Variants in LRRC49 observed in about 807,000 individuals in gnomAD.
LRRC49 encodes leucine rich repeat containing 49.
Under a neutral mutation model 83.3 loss-of-function variants are expected in LRRC49, and 50 were observed. The observed-to-expected ratio is 0.60, with a 90% CI of 0.48 to 0.76. LRRC49 has a LOEUF of 0.76. Among genes scored for constraint, LRRC49 ranks in the 30% least tolerant of loss-of-function variants. LRRC49 has a pLI of 0.00. For missense variants in LRRC49, 704 were observed against 809.1 expected, an observed-to-expected ratio of 0.87 and a Z score of 1.58; for synonymous variants, 286 against 283.3, an observed-to-expected ratio of 1.01 and a Z score of -0.10.
At chr15:71,012,555 G>A (rs543228064) in intron 13 of LRRC49, among the ~76,000 whole-genome samples, 1 of 151,646 alleles carries the variant, frequency 6.6e-6, no homozygotes, top group East Asian at 1.9e-4. Context: ...AGGAAAGACA[G>A]CTTCTAAATC....
intron 9 of LRRC49, among the ~76,000 whole-genome samples, chr15:70,974,871 A>G (rs2141214083): frequency 6.6e-6 from 1 of 152,336 alleles, no homozygotes; most frequent in East Asian, 1.9e-4. Context: ...TTAACAACAT[A>G]AAAAATAGAT....
chr15:70,861,382 T>C (rs1252330192), intron 1 of LRRC49, among the ~76,000 whole-genome samples: 1 of 94,844 alleles, frequency 1.1e-5, no homozygotes, highest in Non-Finnish European at 2.7e-5. Context: ...CCTATTAGCA[T>C]AGGAGCTCGT....
Position 70,980,187 on chromosome 15 carries a change from A to T in LRRC49, c.1005+3A>T. 6.2e-7 allele frequency: 1 copy of T among 1,604,748 alleles called. No individual in the cohort carries two copies. The highest frequency in any genetic ancestry group is 8.5e-7 in the Non-Finnish European group (1 of 1,173,254). On this transcript the variant is annotated splice_donor_region_variant and intron_variant, in intron 10 of 15. Transcript: ENST00000260382. ...GTCATAAACAATCTTTGCTTAAGGT[A>T]TTTTCTCTGATGTCTACATGGATGT...
At chr15:71,036,169 G>A (rs1368015167) in intron 14 of LRRC49, among the ~76,000 whole-genome samples, 1 of 152,006 alleles carries the variant, frequency 6.6e-6, no homozygotes, top group Non-Finnish European at 1.5e-5. Context: ...TATATCCTTT[G>A]CCCACTTTTT....
upstream of LRRC49, chr15:70,892,525 A>T: frequency 6.6e-7 from 1 of 1,518,784 alleles, no homozygotes; most frequent in South Asian, 1.2e-5. Context: ...AGAGGGATAC[A>T]AATTTCGCGC....
At chr15:70,991,599 T>C (rs1172309183) in intron 11 of LRRC49, among the ~76,000 whole-genome samples, 1 of 152,208 alleles carries the variant, frequency 6.6e-6, no homozygotes, top group Admixed American at 6.5e-5. Flanking sequence ...TGGAATTTTT[T>C]TCGGATATTT....
At chr15:71,020,798 T>C (rs986608948) in intron 14 of LRRC49, among the ~76,000 whole-genome samples, 3 of 152,212 alleles carry the variant, frequency 2.0e-5, no homozygotes, top group East Asian at 3.8e-4. Context: ...TTCCCATTAG[T>C]ATTCTTACAC....
At chr15:70,950,851 G>A (rs2036191151) in intron 8 of LRRC49, among the ~76,000 whole-genome samples, 1 of 151,992 alleles carries the variant, frequency 6.6e-6, no homozygotes, top group South Asian at 2.1e-4. Context: ...CGTCCAGAAT[G>A]GTATTTACTT....
At chr15:70,891,567 CTGTGTGTGTGTGTGTGTG>C (rs3220843), upstream of LRRC49, among the ~76,000 whole-genome samples, 41,447 of 137,112 alleles carry the variant, frequency 0.3, 6,201 homozygotes, top group East Asian at 0.42. Context: ...GGACAAGACT[CTGTGTGTGTGTGTGTGTG>C]TGTGTGTGTG....
chr15:70,966,425 G>A (rs2036797054), intron 9 of LRRC49, among the ~76,000 whole-genome samples: 1 of 152,070 alleles, frequency 6.6e-6, no homozygotes, highest in East Asian at 1.9e-4. Flanking sequence ...TCCTATCTTT[G>A]AAAAGCTGAA....
At chr15:71,034,584 T>G (rs146699856) in intron 14 of LRRC49, among the ~76,000 whole-genome samples, 1 of 152,322 alleles carries the variant, frequency 6.6e-6, no homozygotes, top group Non-Finnish European at 1.5e-5. Context: ...TACATGTATG[T>G]TTATTGCAGG....
intron 8 of LRRC49, among the ~76,000 whole-genome samples, chr15:70,951,844 T>G (rs772908361): frequency 1.3e-5 from 2 of 152,176 alleles, no homozygotes; most frequent in Middle Eastern, 3.2e-3. Context: ...TTTCCAGTTC[T>G]CAAGGGGAAT....
intron 1 of LRRC49, among the ~76,000 whole-genome samples, chr15:70,872,432 G>A (rs1188949149): frequency 1.3e-5 from 2 of 151,762 alleles, no homozygotes; most frequent in Non-Finnish European, 2.9e-5. Flanking sequence ...AGGAGGGGGA[G>A]GGCGAGGGGG....
At chr15:70,874,856 A>G (rs1390041196) in intron 2 of LRRC49, among the ~76,000 whole-genome samples, 2 of 152,236 alleles carry the variant, frequency 1.3e-5, no homozygotes, top group African/African-American at 2.4e-5. Context: ...TTCAACAAAT[A>G]TTAACTGAAC....
chr15:71,037,378 C>T, intron 15 of LRRC49, 46 bp downstream of exon 15: 2 of 1,477,120 alleles, frequency 1.4e-6, no homozygotes, highest in Non-Finnish European at 1.8e-6. Context: ...GGATATATCC[C>T]ACATGGCTTG....
intron 8 of LRRC49, among the ~76,000 whole-genome samples, chr15:70,947,293 C>T (rs2141173737): frequency 6.6e-6 from 1 of 152,270 alleles, no homozygotes; most frequent in South Asian, 2.1e-4. Context: ...AAAATACCTT[C>T]TCCATCTCTT....
At chr15:71,046,422 G>A (rs1294406009) in intron 15 of LRRC49, among the ~76,000 whole-genome samples, 1 of 152,122 alleles carries the variant, frequency 6.6e-6, no homozygotes, top group East Asian at 1.9e-4. Context: ...GTATCTCACT[G>A]TGGTTTTGAT....
chr15:70,987,807 A>G (rs2037689419), intron 11 of LRRC49, among the ~76,000 whole-genome samples: 1 of 151,614 alleles, frequency 6.6e-6, no homozygotes. Context: ...ACTGCTTTGA[A>G]TGTGTCCCAG....
intron 11 of LRRC49, among the ~76,000 whole-genome samples, chr15:70,989,435 G>C (rs1327136984): frequency 1.3e-5 from 2 of 152,044 alleles, no homozygotes; most frequent in African/African-American, 4.8e-5. Context: ...CGGCTCCTGA[G>C]GCTTCTGCAT....
Sources: gnomAD v4.1 joint callset for allele counts (sites outside exome capture counted in the v4.1 genomes callset) on GRCh38, gnomAD v4.1.1 for gene constraint, MANE v1.5 for transcripts, NCBI Gene and HGNC (gene_info 2026-07-23, HGNC 2026-07-21) for gene names.